FAR2: variants seen among roughly 807,000 people sequenced by gnomAD.
The protein encoded by FAR2 is fatty acyl-CoA reductase 2, also known as epididymis secretory protein Li 81.
A neutral mutation model predicts 56.0 loss-of-function variants in FAR2; 19 were observed. The observed-to-expected ratio is 0.34, with a 90% confidence interval of 0.24 to 0.50. FAR2 has a LOEUF of 0.50. Among genes scored for constraint, FAR2 ranks in the 20% least tolerant of loss-of-function variants. The pLI is 0.98. For missense variants in FAR2, 508 were observed against 642.2 expected (o/e 0.79, Z 2.26); for synonymous variants, 219 against 218.8 (o/e 1.00, Z -0.01).
chr12:29,181,662 G>C (rs1277180068), intron 1 of FAR2, among the ~76,000 whole-genome samples: 4 of 152,220 alleles, frequency 2.6e-5, no homozygotes, highest in Non-Finnish European at 4.4e-5. Context: ...CAGAGGAGCT[G>C]TTCCTCTTCC....
chr12:29,308,658 TTAAG>T (rs1345000945), intron 5 of FAR2, among the ~76,000 whole-genome samples: 2 of 148,334 alleles, frequency 1.3e-5, no homozygotes, highest in East Asian at 2.0e-4. Context: ...TGTAACATCT[TTAAG>T]TAAGTCAATA....
chr12:29,215,247 A>G (rs1947609026), intron 1 of FAR2, among the ~76,000 whole-genome samples: 1 of 152,256 alleles, frequency 6.6e-6, no homozygotes, highest in Admixed American at 6.5e-5. Flanking sequence ...TATGAAGACC[A>G]TAGTACATAA....
At chr12:29,183,069 G>A (rs1012069984) in intron 1 of FAR2, among the ~76,000 whole-genome samples, 8 of 151,650 alleles carry the variant, frequency 5.3e-5, no homozygotes, top group Admixed American at 1.3e-4. Flanking sequence ...ACATCCCTAA[G>A]GCCAATTGCA....
At chr12:29,247,494 T>C (rs1948146557) in intron 1 of FAR2, among the ~76,000 whole-genome samples, 1 of 152,224 alleles carries the variant, frequency 6.6e-6, no homozygotes, top group African/African-American at 2.4e-5. Flanking sequence ...AATAGTCTTC[T>C]TGGTGGACTT....
At chr12:29,199,971 GT>G (rs1377428393) in intron 1 of FAR2, among the ~76,000 whole-genome samples, 1 of 152,170 alleles carries the variant, frequency 6.6e-6, no homozygotes, top group Non-Finnish European at 1.5e-5. Flanking sequence ...CCAATTAGAT[GT>G]GAGTTTAAGG....
rs1295392449 is a variant in FAR2 at position 29,293,340 on chromosome 12, A to G, written c.230A>G (p.Glu77Gly). Reference protein sequence around the residue: ...KVKEVCPNVHEKIRAIYADLN... With the variant: ...KVKEVCPNVHGKIRAIYADLN... Reference sequence around the variant, plus strand: ...AAAGAAGTTTGTCCAAATGTGCATGAGAAGATCAGAGCTATTTATGCAGAT... The same window carrying G: ...AAAGAAGTTTGTCCAAATGTGCATGGGAAGATCAGAGCTATTTATGCAGAT... Residue 77 changes from glutamate (E) to glycine (G), a missense_variant, in exon 3 of 12, where the codon GAG (glutamate) becomes GGG (glycine). By Grantham distance (98) the Glu-to-Gly change is moderately conservative. Coordinates refer to ENST00000536681, the MANE Select transcript of FAR2 (RefSeq NM_001271783.2). 8 of 1,603,410 alleles carry G rather than the reference A, an allele frequency of 5.0e-6. No individual in the cohort carries two copies. Among genetic ancestry groups the G allele is most frequent in the Non-Finnish European group, 6.0e-6 (7 of 1,176,466 alleles).
chr12:29,258,138 A>G (rs527546678), intron 1 of FAR2, among the ~76,000 whole-genome samples: 8 of 151,742 alleles, frequency 5.3e-5, no homozygotes, highest in African/African-American at 1.9e-4. Flanking sequence ...GAGGTCAGGA[A>G]TTCGAGACTA....
intron 1 of FAR2, among the ~76,000 whole-genome samples, chr12:29,169,636 T>C (rs1949866497): frequency 6.6e-6 from 1 of 152,226 alleles, no homozygotes; most frequent in Non-Finnish European, 1.5e-5. Flanking sequence ...ACTCTTCCCC[T>C]AAGAAGGTGC....
intron 1 of FAR2, among the ~76,000 whole-genome samples, chr12:29,170,146 G>A (rs1172361571): frequency 1.3e-5 from 2 of 152,314 alleles, no homozygotes; most frequent in East Asian, 3.9e-4. Flanking sequence ...CAAACAGCTG[G>A]CACGTTTGAG....
At chr12:29,281,605 C>G (rs1948784289) in intron 2 of FAR2, 1 of 152,098 alleles carries the variant, frequency 6.6e-6, no homozygotes, top group Non-Finnish European at 1.5e-5. Flanking sequence ...TTTGCGGACT[C>G]TGGGGCTGTG....
chr12:29,217,344 G>C (rs1947634314), intron 1 of FAR2, among the ~76,000 whole-genome samples: 1 of 152,140 alleles, frequency 6.6e-6, no homozygotes, highest in South Asian at 2.1e-4. Context: ...ATCTTAGCTG[G>C]CATGACAGAT....
intron 1 of FAR2, among the ~76,000 whole-genome samples, chr12:29,194,675 C>A (rs1950130964): frequency 6.6e-6 from 1 of 152,016 alleles, no homozygotes. Flanking sequence ...TTAAAGGAGA[C>A]TGGCTTTGGG....
intron 4 of FAR2, among the ~76,000 whole-genome samples, chr12:29,305,798 T>G (rs776446303): frequency 6.6e-6 from 1 of 152,198 alleles, no homozygotes; most frequent in Admixed American, 6.5e-5. Context: ...TAAAATTTCT[T>G]GCATGCGTGC....
intron 1 of FAR2, among the ~76,000 whole-genome samples, chr12:29,157,142 A>ATATATATATG (rs1289279461): frequency 3.5e-4 from 48 of 137,758 alleles, no homozygotes; most frequent in African/African-American, 1.2e-3. Flanking sequence ...ATATATATAT[A>ATATATATATG]TATGTATCAA....
chr12:29,320,738 C>A (rs952084872), intron 9 of FAR2, among the ~76,000 whole-genome samples: 1 of 152,204 alleles, frequency 6.6e-6, no homozygotes, highest in African/African-American at 2.4e-5. Context: ...GACTATCTTA[C>A]AGCCATATTG....
rs766378639 is a variant in FAR2 at position 29,150,990 on chromosome 12, G to A, written c.-39+1583G>A. ...AGTTACAGAGGAAGAGGGAGAGGTT[G>A]AAAATAAATAAAATGGCTTATATTA... On this transcript the variant is annotated intron_variant, in intron 1 of 11. Transcript: ENST00000536681. 9.8e-4 allele frequency among the ~76,000 whole-genome samples: 150 copies of A among 152,300 alleles called. 1 individual carries two copies. The highest frequency in any genetic ancestry group is 1.5e-3 in the Non-Finnish European group (100 of 68,006).
intron 1 of FAR2, among the ~76,000 whole-genome samples, chr12:29,244,064 A>T (rs1455095878): frequency 6.6e-6 from 1 of 152,218 alleles, no homozygotes; most frequent in Non-Finnish European, 1.5e-5. Flanking sequence ...TATTGTGGTG[A>T]TAGTAGACAT....
chr12:29,232,821 G>GCACACACACACACA lies in FAR2; in HGVS notation c.-38-37578_-38-37565dup, dbSNP rs71042969. 3.5e-3 allele frequency among the ~76,000 whole-genome samples: 514 copies of GCACACACACACACA among 145,942 alleles called. 11 individuals carry two copies. In the East Asian group the frequency reaches 0.063, roughly 18 times the overall value. Reference sequence around the variant, plus strand: ...CACACACACACACATACGCGCTCGCGCACACACACACACACACACACACAC... The same window carrying GCACACACACACACA: ...CACACACACACACATACGCGCTCGCGCACACACACACACACACACACACACACACACACACACAC... On this transcript the variant is annotated intron_variant, in intron 1 of 11. Transcript: ENST00000536681.
chr12:29,311,666 T>TCTCTCACACA (rs1555123662), intron 7 of FAR2, among the ~76,000 whole-genome samples: 2 of 147,426 alleles, frequency 1.4e-5, no homozygotes, highest in African/African-American at 5.0e-5. Flanking sequence ...AACATCTCTT[T>TCTCTCACACA]CACACACACA....
Sources: allele counts gnomAD v4.1 joint callset (sites outside exome capture counted in the v4.1 genomes callset), GRCh38; gene constraint gnomAD v4.1.1; transcripts MANE v1.5; gene names NCBI Gene and HGNC (gene_info 2026-07-23, HGNC 2026-07-21).